The following PER1 variants were observed in gnomAD, a reference collection of about 807,000 sequenced individuals.
The protein encoded by PER1 is period circadian regulator 1.
Under a neutral mutation model 125.9 loss-of-function variants are expected in PER1, and 87 were observed. The ratio of observed to expected loss-of-function variants is 0.69; its 90% CI spans 0.58 to 0.83. The LOEUF is 0.83. Among genes scored for constraint, PER1 ranks in the 40% least tolerant of loss-of-function variants. The pLI, the probability that PER1 is intolerant of heterozygous loss-of-function variation, is 0.00. For missense variants in PER1, 1,775 were observed against 1,722.8 expected, an observed-to-expected ratio of 1.03 and a Z score of -0.54; for synonymous variants, 801 against 714.7, an observed-to-expected ratio of 1.12 and a Z score of -1.93.
In PER1 at chr17:8,141,919, C is replaced by T. The variant is rs894300804; in HGVS notation, c.3486G>A (p.Arg1162=). The change falls in exon 22 of 23, where the codon CGG becomes CGA. Residue 1162 remains arginine, a synonymous_variant. Transcript: ENST00000317276. ...MTSVLKQDRE[R]LRAMQKQQPR... ...GCTGCTGCTTCTGCATGGCTCGGAGCCGCTCCCGATCCTGCTTCAGCACAG... is the reference window on the plus strand; with the variant it reads ...GCTGCTGCTTCTGCATGGCTCGGAGTCGCTCCCGATCCTGCTTCAGCACAG... 2 of 1,614,052 alleles carry T rather than the reference C, an allele frequency of 1.2e-6. No individual in the cohort carries two copies. Among genetic ancestry groups the T allele is most frequent in the Non-Finnish European group, 1.7e-6 (2 of 1,180,036 alleles).
At chr17:8,148,142 G>T (rs1367500270) in intron 9 of PER1, 39 bp from the exon 10 acceptor site, 1 of 1,611,852 alleles carries the variant, frequency 6.2e-7, no homozygotes. Context: ...CGTGGCCTCA[G>T]CCCTGGCTGC....
At chr17:8,141,531 G>A (rs1428163919) in intron 22 of PER1, among the ~76,000 whole-genome samples, 191 bp from the exon 23 acceptor site, 2 of 152,212 alleles carry the variant, frequency 1.3e-5, no homozygotes, top group African/African-American at 2.4e-5. Flanking sequence ...GCCGTTACAG[G>A]ACAGTCACAA....
chr17:8,142,680 A>T lies in PER1; in HGVS notation c.3228T>A (p.His1076Gln), dbSNP rs1182794434. The change falls in exon 20 of 23, where the codon CAT (histidine) becomes CAA (glutamine). Residue 1076 changes from histidine to glutamine, a missense_variant. His to Gln is a conservative substitution (Grantham distance 24). Coordinates refer to ENST00000317276, the MANE Select transcript of PER1 (RefSeq NM_002616.3). The part of the protein sequence containing the change: ...GLGSGSGSGS[H>Q]EGGSTSASIT... ...TGCTGGCTGAGGTGCTGCCCCCTTC[A>T]TGGGAGCCTGAACCAGACCCAGAGC... 3 of 1,613,826 alleles carry T rather than the reference A, an allele frequency of 1.9e-6. No individual in the cohort carries two copies. The Admixed American group carries it at 5.0e-5, about 27-fold the overall frequency.
chr17:8,144,799 G>A lies in PER1; in HGVS notation c.2413C>T (p.Arg805Cys), dbSNP rs772570613. The part of the protein sequence containing the change: ...LSRFRDLGRL[R>C]GLDSSSTAPS... ...GCTGTGGAAGAGCTGTCGAGTCCAC[G>A]CAGCCTGCCCAGGTCTCGGAAGCGG... Residue 805 changes from arginine to cysteine, a missense_variant, in exon 18 of 23, where the codon CGT becomes TGT. Coordinates refer to ENST00000317276, the MANE Select transcript of PER1 (RefSeq NM_002616.3). 3.6e-5 allele frequency: 57 copies of A among 1,585,008 alleles called. No homozygotes were observed. Among genetic ancestry groups the A allele is most frequent in the South Asian group, 1.5e-4 (13 of 86,930 alleles).
rs1401322462 is a variant in PER1 at position 8,150,724 on chromosome 17, A to T, written c.-18T>A. On this transcript the variant is annotated 5_prime_UTR_variant, in exon 2 of 23. Transcript: ENST00000317276. ...CCACTCATGTCTGGGCCATGGGGAG[A>T]ACAGAACAGAGAAGGCAGAGAGGCC... is the stretch of plus-strand genomic sequence containing the variant. 6.6e-7 allele frequency: 1 copy of T among 1,522,386 alleles called. No homozygotes were observed. The highest frequency in any genetic ancestry group is 8.7e-7 in the Non-Finnish European group (1 of 1,144,062). 94.3% of individuals were successfully genotyped at this position (1,522,386 alleles called of 1,614,324 possible).
chr17:8,147,972 G>A (rs1567536215), intron 10 of PER1, 25 bp downstream of exon 10: 4 of 1,598,382 alleles, frequency 2.5e-6, no homozygotes, highest in East Asian at 2.2e-5. Flanking sequence ...CAGTGGGAAG[G>A]GCGAGCAGGG....
At position 8,150,793 on chromosome 17, in the gene PER1, G is replaced by A. The variant is rs1346264884; in HGVS notation, c.-87C>T. 2.4e-6 allele frequency: 3 copies of A among 1,253,360 alleles called. No individual in the cohort carries two copies. The highest frequency in any genetic ancestry group is 1.5e-5 in the African/African-American group (1 of 66,646). The allele number at this position is 1,253,360 out of a possible 1,614,324, so 77.6% of individuals were successfully genotyped here. A position where few individuals can be genotyped will look rare whatever the true frequency, so the allele number is the denominator to read the frequency against. On this transcript the variant is annotated 5_prime_UTR_variant, in exon 2 of 23. Coordinates refer to ENST00000317276, the MANE Select transcript of PER1 (RefSeq NM_002616.3). ...GGCCTGGAGGCTTGGCTGAGGGAGT[G>A]AGGTGGAAGATCTAAGTCTCTGAGG...
At position 8,147,752 on chromosome 17, in the gene PER1, A is replaced by G; in HGVS notation, c.1310T>C (p.Met437Thr). 1 of 1,614,080 alleles carries G rather than the reference A, an allele frequency of 6.2e-7. No homozygotes were observed. Among genetic ancestry groups the G allele is most frequent in the South Asian group, 1.1e-5 (1 of 91,088 alleles). ...FCARNGEYVT[M>T]DTSWAGFVHP... ...CACAAAGCCAGCCCAGCTGGTGTCC[A>G]TGGTGACATACTCCCCGTTGCGGGC... Residue 437 changes from methionine to threonine, a missense_variant, in exon 11 of 23, where the codon ATG (methionine) becomes ACG (threonine). Transcript: ENST00000317276.
chr17:8,149,214 A>AAAAAC (rs144904249), intron 7 of PER1, 45 bp downstream of exon 7: 87,302 of 346,756 alleles, frequency 0.25, 6,364 homozygotes, highest in Admixed American at 0.52. Context: ...AAACAAAAAC[A>AAAAAC]AAAAAAAAAG....
Position 8,150,422 on chromosome 17 carries a change from C to G in PER1, c.275+10G>C, listed in dbSNP as rs1375042204. ...CCATTCCTAGACCCAACATACACAT[C>G]CATACACACCTCTTGCTGCTCTCAG... is the stretch of plus-strand genomic sequence containing the variant. On this transcript the variant is annotated intron_variant, in intron 2 of 22. Coordinates refer to ENST00000317276, the MANE Select transcript of PER1 (RefSeq NM_002616.3). 6.2e-7 allele frequency: 1 copy of G among 1,605,252 alleles called. No homozygotes were observed. Among genetic ancestry groups the G allele is most frequent in the East Asian group, 2.2e-5 (1 of 44,834 alleles).
At position 8,150,837 on chromosome 17, in the gene PER1, A is replaced by G; in HGVS notation, c.-131T>C. 1.2e-6 allele frequency: 1 copy of G among 801,866 alleles called. No homozygotes were observed. The highest frequency in any genetic ancestry group is 1.9e-6 in the Non-Finnish European group (1 of 526,400). The allele number at this position is 801,866 out of a possible 1,614,324, so 49.7% of individuals were successfully genotyped here. ...TCTGAGGGTTGAGAAGTTCGATCACAGCCAGTACCTGGAGAGGGAGACCAG... is the reference window on the plus strand; with the variant it reads ...TCTGAGGGTTGAGAAGTTCGATCACGGCCAGTACCTGGAGAGGGAGACCAG... On this transcript the variant is annotated 5_prime_UTR_variant, in exon 2 of 23. Coordinates refer to ENST00000317276, the MANE Select transcript of PER1 (RefSeq NM_002616.3).
In PER1 at chr17:8,150,717, T is replaced by C; in HGVS notation, c.-11A>G. On this transcript the variant is annotated 5_prime_UTR_variant, in exon 2 of 23. It removes an upstream start codon present in the reference 5' UTR. Transcript: ENST00000317276. ...TAGGGGGCCACTCATGTCTGGGCCA[T>C]GGGGAGAACAGAACAGAGAAGGCAG... 5 of 1,531,814 alleles carry C rather than the reference T, an allele frequency of 3.3e-6. No individual in the cohort carries two copies. The highest frequency in any genetic ancestry group is 4.4e-6 in the Non-Finnish European group (5 of 1,147,988). The allele number at this position is 1,531,814 out of a possible 1,614,324, so 94.9% of individuals were successfully genotyped here.
At chr17:8,143,147 C>G (rs1982186774) in intron 19 of PER1, 119 bp downstream of exon 19, 1 of 740,228 alleles carries the variant, frequency 1.4e-6, no homozygotes, top group Non-Finnish European at 2.1e-6. Context: ...CAGCTGGGGA[C>G]TCCCTCCACC....
Position 8,144,948 on chromosome 17 carries a change from G to A in PER1, c.2264C>T (p.Ala755Val). 6.6e-7 allele frequency: 1 copy of A among 1,513,894 alleles called. No homozygotes were observed. 93.8% of individuals were successfully genotyped at this position (1,513,894 alleles called of 1,614,324 possible). ...EDLPGLAPGP[A>V]PSPAPSPTVA... The stretch of plus-strand genomic sequence containing the variant: ...TGTGGGGCTGGGGGCTGGGCTGGGG[G>A]CTGGGCCTGGGGCTAGGCCAGGCAG... The change falls in exon 18 of 23, where the codon GCC (alanine) becomes GTC (valine). Residue 755 changes from alanine to valine, a missense_variant. Ala to Val is a moderately conservative substitution (Grantham distance 64). Coordinates refer to ENST00000317276, the MANE Select transcript of PER1 (RefSeq NM_002616.3).
At chr17:8,148,888 G>A (rs1006079985) in intron 7 of PER1, 102 bp from the exon 8 acceptor site, 160 of 1,360,842 alleles carry the variant, frequency 1.2e-4, no homozygotes, top group Non-Finnish European at 1.4e-4. Context: ...TGGGGAGGGG[G>A]CAGGAGGAGG....
intron 8 of PER1, 152 bp from the exon 9 acceptor site, chr17:8,148,411 C>A (rs1291583371): frequency 2.5e-6 from 2 of 800,776 alleles, no homozygotes; most frequent in Non-Finnish European, 4.0e-6. Flanking sequence ...CAATCCTATG[C>A]CCTGTATCAG....
intron 16 of PER1, 86 bp from the exon 17 acceptor site, chr17:8,146,223 G>A (rs2151860501): frequency 6.5e-7 from 1 of 1,531,996 alleles, no homozygotes; most frequent in Middle Eastern, 2.1e-4. Context: ...GGAAGGGGAT[G>A]GTGGTAGGGA....
intron 1 of PER1, among the ~76,000 whole-genome samples, chr17:8,151,195 G>A (rs550351225): frequency 6.6e-6 from 1 of 152,350 alleles, no homozygotes; most frequent in Admixed American, 6.5e-5. Flanking sequence ...AGGTGAGCTG[G>A]TCGCCTCCTA....
At chr17:8,144,611 T>C (rs1982303419) in intron 18 of PER1, 140 bp downstream of exon 18, 4 of 1,172,932 alleles carry the variant, frequency 3.4e-6, no homozygotes, top group Non-Finnish European at 4.8e-6. Flanking sequence ...GCGAGGGGCC[T>C]GTCCCTAGGC....
Sources: allele counts gnomAD v4.1 joint callset (sites outside exome capture counted in the v4.1 genomes callset), GRCh38; gene constraint gnomAD v4.1.1; transcripts MANE v1.5; gene names NCBI Gene and HGNC (gene_info 2026-07-23, HGNC 2026-07-21).